The following CASP6 variants were observed in gnomAD, a reference collection of about 807,000 sequenced individuals.
The protein encoded by CASP6 is caspase-6.
A neutral mutation model predicts 31.8 loss-of-function variants in CASP6; 20 were observed. The observed-to-expected ratio is 0.63, with a 90% CI of 0.44 to 0.91. The LOEUF (loss-of-function observed/expected upper bound fraction) is 0.91, where lower values mean the gene tolerates loss of function less well. CASP6 is among the 40% of genes least tolerant of loss of function. The pLI is 0.00. For missense variants in CASP6, 328 were observed against 361.1 expected (o/e 0.91, Z 0.74); for synonymous variants, 130 against 127.8 (o/e 1.02, Z -0.12).
intron 4 of CASP6, among the ~76,000 whole-genome samples, 198 bp downstream of exon 4, chr4:109,696,212 T>G (rs1037289722): frequency 1.3e-5 from 2 of 152,216 alleles, no homozygotes; most frequent in Non-Finnish European, 2.9e-5. Context: ...ATATAAACTT[T>G]AGAGGCATAA....
chr4:109,679,517 G>A, the CASP6 span, among the ~76,000 whole-genome samples: 1 of 152,148 alleles, frequency 6.6e-6, no homozygotes, highest in South Asian at 2.1e-4. Context: ...GTGGCAGCAC[G>A]TGCCTGGAAT....
downstream of CASP6, chr4:109,685,320 C>A: frequency 6.3e-7 from 1 of 1,587,640 alleles, no homozygotes; most frequent in Non-Finnish European, 8.6e-7. Flanking sequence ...AAAGCAACAG[C>A]ACTTTGATGT....
the CASP6 span, among the ~76,000 whole-genome samples, chr4:109,674,580 T>A: frequency 6.6e-6 from 1 of 152,236 alleles, no homozygotes; most frequent in African/African-American, 2.4e-5. Flanking sequence ...AAAAAGTGCA[T>A]GGAATATAAT....
chr4:109,674,371 G>C, the CASP6 span, among the ~76,000 whole-genome samples: 2 of 152,164 alleles, frequency 1.3e-5, no homozygotes, highest in African/African-American at 4.8e-5. Flanking sequence ...GCACTTGATG[G>C]TGTTGAAATG....
upstream of CASP6, among the ~76,000 whole-genome samples, chr4:109,704,954 C>A (rs1225026291): frequency 6.6e-6 from 1 of 152,202 alleles, no homozygotes; most frequent in Non-Finnish European, 1.5e-5. Context: ...ATCTGCCCGC[C>A]TCGGTCTCCC....
chr4:109,665,964 A>C, the CASP6 span, among the ~76,000 whole-genome samples: 14 of 151,910 alleles, frequency 9.2e-5, no homozygotes, highest in Non-Finnish European at 1.8e-4. Context: ...GAAAAAAAGA[A>C]AGGCAAGAGG....
intron 1 of CASP6, among the ~76,000 whole-genome samples, chr4:109,699,160 C>T (rs949663372): frequency 4.6e-5 from 7 of 152,178 alleles, no homozygotes; most frequent in Admixed American, 3.9e-4. Context: ...GCATCTTCTA[C>T]AATAAAGGCC....
chr4:109,678,279 A>G, the CASP6 span, among the ~76,000 whole-genome samples: 1 of 151,484 alleles, frequency 6.6e-6, no homozygotes, highest in East Asian at 2.0e-4. Flanking sequence ...CCCCTTTTCT[A>G]TTCGACAAAA....
chr4:109,700,848 A>G (rs555264723), intron 1 of CASP6, among the ~76,000 whole-genome samples: 6 of 152,244 alleles, frequency 3.9e-5, no homozygotes, highest in Non-Finnish European at 5.9e-5. Context: ...AACTTTACCC[A>G]CAGATTGAGA....
chr4:109,681,729 C>G, the CASP6 span, among the ~76,000 whole-genome samples: 1 of 152,228 alleles, frequency 6.6e-6, no homozygotes, highest in South Asian at 2.1e-4. Flanking sequence ...GGGTGCCTCG[C>G]TGGATCAGGA....
chr4:109,674,553 C>T, the CASP6 span, among the ~76,000 whole-genome samples: 1 of 152,164 alleles, frequency 6.6e-6, no homozygotes, highest in Non-Finnish European at 1.5e-5. Context: ...CTGGCTGACT[C>T]TGTTAGAACT....
chr4:109,703,675 G>A (rs559633270), upstream of CASP6: 3 of 515,572 alleles, frequency 5.8e-6, no homozygotes, highest in South Asian at 5.6e-5. Context: ...GGGACTAACC[G>A]TGCCCTGGGG....
chr4:109,704,972 TG>T (rs1730552981), upstream of CASP6, among the ~76,000 whole-genome samples: 1 of 152,204 alleles, frequency 6.6e-6, no homozygotes, highest in Non-Finnish European at 1.5e-5. Context: ...CCCAAAGTGC[TG>T]GGATTACAGG....
chr4:109,685,389 T>C (rs1357838743), downstream of CASP6: 8 of 1,036,738 alleles, frequency 7.7e-6, no homozygotes, highest in East Asian at 2.4e-5. Context: ...ATACATCTTA[T>C]AGCTGGTTTG....
At chr4:109,666,458 A>G in the CASP6 span, among the ~76,000 whole-genome samples, 1 of 152,166 alleles carries the variant, frequency 6.6e-6, no homozygotes, top group East Asian at 1.9e-4. Context: ...CTTGCCAGCA[A>G]TTGGTGGTAT....
At chr4:109,685,377 A>C, downstream of CASP6, 5 of 1,142,260 alleles carry the variant, frequency 4.4e-6, no homozygotes, top group Non-Finnish European at 6.6e-6. Flanking sequence ...GGTATACTAC[A>C]AATACATCTT....
At chr4:109,703,709 G>A (rs5030517), upstream of CASP6, 1 of 477,806 alleles carries the variant, frequency 2.1e-6, no homozygotes, top group East Asian at 3.6e-5. Flanking sequence ...CACCCGGGGG[G>A]ACACACAGAC....
At chr4:109,670,561 C>CA in the CASP6 span, among the ~76,000 whole-genome samples, 1 of 151,758 alleles carries the variant, frequency 6.6e-6, no homozygotes, top group African/African-American at 2.4e-5. Flanking sequence ...ACTAAAAATA[C>CA]AAAAATTAGC....
downstream of CASP6, chr4:109,687,518 A>G: frequency 6.2e-7 from 1 of 1,609,390 alleles, no homozygotes. Flanking sequence ...ATGACAGGCT[A>G]AAGAATCCCT....
Sources: allele counts gnomAD v4.1 joint callset (sites outside exome capture counted in the v4.1 genomes callset), GRCh38; gene constraint gnomAD v4.1.1; transcripts MANE v1.5; gene names NCBI Gene and HGNC (gene_info 2026-07-23, HGNC 2026-07-21).